The following ING5 variants were observed in gnomAD, a reference collection of about 807,000 sequenced individuals.
ING5 encodes inhibitor of growth family member 5.
ING5 carries 17 observed loss-of-function variants against 37.4 expected under a neutral mutation model. That is an observed-to-expected ratio of 0.45 (90% CI 0.31 to 0.68). The LOEUF (loss-of-function observed/expected upper bound fraction) is 0.68, where lower values mean the gene tolerates loss of function less well. ING5 is among the 30% of genes least tolerant of loss of function. The pLI, the probability that ING5 is intolerant of heterozygous loss-of-function variation, is 0.05. For missense variants in ING5, 233 were observed against 311.9 expected, an observed-to-expected ratio of 0.75 and a Z score of 1.91; for synonymous variants, 123 against 116.6, an observed-to-expected ratio of 1.06 and a Z score of -0.36.
intron 3 of ING5, among the ~76,000 whole-genome samples, 191 bp downstream of exon 3, chr2:241,709,573 T>TC (rs1553584463): frequency 2.6e-5 from 4 of 150,982 alleles, no homozygotes; most frequent in Non-Finnish European, 3.0e-5. Context: ...TTTTTTTTTT[T>TC]CTGGGCCCTT....
intron 5 of ING5, chr2:241,721,248 G>GT: frequency 1.0e-6 from 1 of 985,506 alleles, no homozygotes; most frequent in Non-Finnish European, 1.2e-6. Context: ...GTAGACCCTT[G>GT]CGTGCTGCTG....
At chr2:241,703,535 C>T (rs1012716656) in intron 1 of ING5, among the ~76,000 whole-genome samples, 4 of 152,136 alleles carry the variant, frequency 2.6e-5, no homozygotes, top group African/African-American at 9.7e-5. Context: ...TGGCGTTAGT[C>T]CCATTTCCAG....
rs1476396174 is a variant in ING5, at chr2:241,728,728, G to C, written c.*3697G>C. 2 of 152,272 alleles carry C rather than the reference G, an allele frequency of 1.3e-5. No homozygotes were observed. Among genetic ancestry groups the C allele is most frequent in the Admixed American group, 6.5e-5 (1 of 15,280 alleles). The allele number at this position is 152,272 out of a possible 1,614,324, so 9.4% of individuals were successfully genotyped here. On this transcript the variant is annotated 3_prime_UTR_variant, in exon 8 of 8. Transcript: ENST00000313552. The stretch of plus-strand genomic sequence containing the variant: ...GCGGGTGGACATGAGACCACTGTTG[G>C]CCAGGGACGCCGTGCGGAGGCCTAC...
chr2:241,700,629 T>C (rs146066201), upstream of ING5, among the ~76,000 whole-genome samples: 203 of 150,170 alleles, frequency 1.4e-3, 2 homozygotes, highest in African/African-American at 4.8e-3. Context: ...CTAGTTTTTG[T>C]ATTATTATTA....
At chr2:241,694,784 C>T (rs765026418) in intron 2 of ING5, among the ~76,000 whole-genome samples, 6 of 143,386 alleles carry the variant, frequency 4.2e-5, no homozygotes, top group Admixed American at 7.2e-5. Flanking sequence ...TTTGGGAGGC[C>T]GAGGCGAGTG....
chr2:241,723,074 C>A lies in ING5; in HGVS notation c.618C>A (p.Asp206Glu). The part of the protein sequence containing the change: ...YGEMIGCDNP[D>E]CPIEWFHFAC... ...AGATGATTGGCTGTGACAATCCAGA[C>A]GTGAGTGTCGCCTGCAGGATTCGCG... The change falls in exon 6 of 8, where the codon GAC becomes GAA. Residue 206 changes from aspartate to glutamate, a missense_variant and splice_region_variant. Asp to Glu is a conservative substitution (Grantham distance 45). Coordinates refer to ENST00000313552, the MANE Select transcript of ING5 (RefSeq NM_032329.6). 6.2e-7 allele frequency: 1 copy of A among 1,614,222 alleles called. No homozygotes were observed. Among genetic ancestry groups the A allele is most frequent in the Non-Finnish European group, 8.5e-7 (1 of 1,180,046 alleles).
At chr2:241,723,738 C>T in intron 7 of ING5, 1 of 1,596,830 alleles carries the variant, frequency 6.3e-7, no homozygotes, top group Non-Finnish European at 8.5e-7. Context: ...TTTTCTCTAC[C>T]TGACCCTTGC....
At chr2:241,694,679 A>T in intron 2 of ING5, among the ~76,000 whole-genome samples, 1 of 150,938 alleles carries the variant, frequency 6.6e-6, no homozygotes, top group Admixed American at 6.6e-5. Flanking sequence ...GCTGGTTGGT[A>T]TAACCTTCCC....
chr2:241,720,471 C>CT, intron 5 of ING5: 1 of 1,019,824 alleles, frequency 9.8e-7, no homozygotes, highest in Non-Finnish European at 1.2e-6. Flanking sequence ...CGTGTCTCGT[C>CT]TGAGATCCCG....
At chr2:241,724,281 T>A (rs1469408839) in intron 7 of ING5, among the ~76,000 whole-genome samples, 1 of 152,180 alleles carries the variant, frequency 6.6e-6, no homozygotes, top group African/African-American at 2.4e-5. Flanking sequence ...ACACAGGCTG[T>A]CCTGTCACAG....
chr2:241,723,286 G>T lies in ING5; in HGVS notation c.680+15G>T. On this transcript the variant is annotated intron_variant, in intron 7 of 7. Transcript: ENST00000313552. ...AAAGGAAAATGGTGAGTGTGGGGAC[G>T]CTCGCTCTGTTTTCTCCCAGTCTGC... is the stretch of plus-strand genomic sequence containing the variant. The T allele has an allele frequency of 6.2e-7, 1 of 1,612,642 alleles. No individual in the cohort carries two copies. The highest frequency in any genetic ancestry group is 1.1e-5 in the South Asian group (1 of 91,044).
At chr2:241,722,390 G>A (rs1168263581) in intron 5 of ING5, 50 of 985,282 alleles carry the variant, frequency 5.1e-5, no homozygotes, top group Non-Finnish European at 2.4e-6. Flanking sequence ...TCCCCAGAGT[G>A]GGACCAGAAC....
intron 1 of ING5, 99 bp downstream of exon 1, chr2:241,702,201 C>A: frequency 3.7e-6 from 2 of 537,336 alleles, no homozygotes; most frequent in Non-Finnish European, 4.8e-6. Context: ...CCCGTGGGCT[C>A]GGGAGGGCGG....
chr2:241,688,288 A>C (rs2069484429), intron 1 of ING5, among the ~76,000 whole-genome samples: 1 of 134,368 alleles, frequency 7.4e-6, no homozygotes. Context: ...ATATAGATGA[A>C]ATTCAAAGCT....
Position 241,711,958 on chromosome 2 carries a change from G to A in ING5, c.389-20G>A, listed in dbSNP as rs1406689053. The stretch of plus-strand genomic sequence containing the variant: ...TTAGAGAATTCTATAAAAATAATTT[G>A]CATCTTGATTATTTTTCAGAAGGCC... On this transcript the variant is annotated intron_variant, in intron 4 of 7. Transcript: ENST00000313552. 6.4e-7 allele frequency: 1 copy of A among 1,551,576 alleles called. No individual in the cohort carries two copies. Among genetic ancestry groups the A allele is most frequent in the Non-Finnish European group, 8.7e-7 (1 of 1,150,092 alleles).
upstream of ING5, among the ~76,000 whole-genome samples, chr2:241,701,865 C>T (rs1365830198): frequency 1.3e-5 from 2 of 151,982 alleles, no homozygotes; most frequent in African/African-American, 4.8e-5. Context: ...CTGCTCGCTG[C>T]CCGACGCCGC....
intron 5 of ING5, chr2:241,722,205 G>A (rs2070451509): frequency 1.0e-6 from 1 of 985,306 alleles, no homozygotes; most frequent in African/African-American, 1.7e-5. Flanking sequence ...CTGTCAGTCT[G>A]GAGTGGGAGG....
chr2:241,704,814 G>A, intron 2 of ING5, 90 bp downstream of exon 2: 1 of 1,094,910 alleles, frequency 9.1e-7, no homozygotes, highest in Non-Finnish European at 1.4e-6. Context: ...GGGTTTTGAG[G>A]GGACCCAGGT....
intron 3 of ING5, among the ~76,000 whole-genome samples, chr2:241,710,604 C>G (rs1236386115): frequency 6.6e-6 from 1 of 152,220 alleles, no homozygotes; most frequent in Admixed American, 6.5e-5. Context: ...CCGGCTTCAG[C>G]CTCCTGAGTA....
Sources: allele counts gnomAD v4.1 joint callset (sites outside exome capture counted in the v4.1 genomes callset), GRCh38; gene constraint gnomAD v4.1.1; transcripts MANE v1.5; gene names NCBI Gene and HGNC (gene_info 2026-07-23, HGNC 2026-07-21).